Variants in CFHR3 observed in about 807,000 individuals in gnomAD.
The protein encoded by CFHR3 is complement factor H related 3, also known as complement factor H-related protein 3.
CFHR3 carries 22 observed loss-of-function variants against 36.0 expected under a neutral mutation model. The observed-to-expected ratio is 0.61, with a 90% CI of 0.44 to 0.87. CFHR3 has a LOEUF of 0.87. Ranked by LOEUF, CFHR3 falls within the 40% of genes least tolerant of loss-of-function variation. The pLI, the probability that CFHR3 is intolerant of heterozygous loss-of-function variation, is 0.00. For synonymous variants in CFHR3, 97 were observed against 137.4 expected (o/e 0.71, Z 2.06); for missense variants, 276 against 401.3 (o/e 0.69, Z 2.67).
chr1:196,785,196 T>G (rs1381274578), intron 3 of CFHR3, among the ~76,000 whole-genome samples: 1 of 137,164 alleles, frequency 7.3e-6, no homozygotes, highest in African/African-American at 3.1e-5. Context: ...TGGGCTTCCC[T>G]TTGTGGGTAA....
chr1:196,779,732 T>A, intron 2 of CFHR3, 65 bp from the exon 3 acceptor site: 1 of 1,426,630 alleles, frequency 7.0e-7, no homozygotes, highest in Non-Finnish European at 9.4e-7. Flanking sequence ...ATAATTTTAA[T>A]ATACTTTTTG....
rs768736986 is a variant in CFHR3 at position 196,788,325 on chromosome 1, A to T, written c.540A>T (p.Ala180=). 5.2e-6 allele frequency: 8 copies of T among 1,528,418 alleles called. No homozygotes were observed. The Admixed American group carries it at 1.0e-4, about 20-fold the overall frequency. 94.7% of individuals were successfully genotyped at this position (1,528,418 alleles called of 1,614,324 possible). A position where few individuals can be genotyped will look rare whatever the true frequency, so the allele number is the denominator to read the frequency against. The change falls in exon 4 of 6, where the codon GCA becomes GCT. Residue 180 remains alanine, a synonymous_variant. Transcript: ENST00000367425. ...AATATAAATGTAAACCAGGATATGC[A>T]ACAGCAGATGGAAATTCTTCAGGAT... is the stretch of plus-strand genomic sequence containing the variant. ...EIQYKCKPGY[A]TADGNSSGSI... is the part of the protein sequence containing the mutation.
chr1:196,776,770 A>T (rs1297623438), intron 1 of CFHR3, among the ~76,000 whole-genome samples: 1 of 135,838 alleles, frequency 7.4e-6, no homozygotes, highest in Non-Finnish European at 1.6e-5. Flanking sequence ...GAATACTATG[A>T]TATTTACACA....
intron 4 of CFHR3, chr1:196,788,768 C>T (rs1448166055): frequency 1.4e-6 from 2 of 1,454,600 alleles, no homozygotes; most frequent in Non-Finnish European, 1.8e-6. Flanking sequence ...ATTCCGTGCT[C>T]ACGCTCAGAA....
rs1653705923 is a variant in CFHR3 at position 196,776,055 on chromosome 1, A to G, written c.58+1111A>G. On this transcript the variant is annotated intron_variant, in intron 1 of 5. Transcript: ENST00000367425. ...CACCAGTTATTTCCTTTTTTAACTG[A>G]ACTGTTACAGGTACATTTCTTCAAA... Among the ~76,000 whole-genome samples, 2 of 121,996 alleles carry G rather than the reference A, an allele frequency of 1.6e-5. 1 individual carries two copies. The highest frequency in any genetic ancestry group is 6.5e-5 in the African/African-American group (2 of 30,802). The allele number at this position is 121,996 out of a possible 152,430, so 80.0% of individuals were successfully genotyped here.
rs1439230757 is a variant in CFHR3 at position 196,790,522 on chromosome 1, C to T, written c.796+295C>T. ...CAGGCAGACCATGAGGTCAGGAGTT[C>T]GAGATCAGCCTGACCAACATGGTGA... On this transcript the variant is annotated intron_variant, in intron 5 of 5. Coordinates refer to ENST00000367425, the MANE Select transcript of CFHR3 (RefSeq NM_021023.6). 2.1e-4 allele frequency among the ~76,000 whole-genome samples: 29 copies of T among 135,136 alleles called. 6 individuals carry two copies. Among genetic ancestry groups the T allele is most frequent in the Admixed American group, 1.0e-3 (14 of 14,016 alleles). The allele number at this position is 135,136 out of a possible 152,430, so 88.7% of individuals were successfully genotyped here. A position where few individuals can be genotyped will look rare whatever the true frequency, so the allele number is the denominator to read the frequency against.
intron 5 of CFHR3, among the ~76,000 whole-genome samples, chr1:196,791,108 T>G (rs1333179499): frequency 7.3e-6 from 1 of 136,930 alleles, no homozygotes; most frequent in Non-Finnish European, 1.5e-5. Flanking sequence ...TACTTATATT[T>G]TATCAGTATT....
chr1:196,792,950 C>T (rs387938), intron 5 of CFHR3, among the ~76,000 whole-genome samples: 36,752 of 133,840 alleles, frequency 0.27, 10,286 homozygotes, highest in East Asian at 0.5. Context: ...CACGGCTTGT[C>T]GAATGGGGGA....
rs964252536 is a variant in CFHR3 at position 196,783,727 on chromosome 1, G to A, written c.430+3754G>A. 8.2e-5 allele frequency among the ~76,000 whole-genome samples: 11 copies of A among 134,942 alleles called. 3 individuals are homozygous for A. The highest frequency in any genetic ancestry group is 3.4e-4 in the African/African-American group (11 of 31,920). 88.5% of individuals were successfully genotyped at this position (134,942 alleles called of 152,430 possible). On this transcript the variant is annotated intron_variant, in intron 3 of 5. Transcript: ENST00000367425. ...TTATTACTCTTGCTAGCAGTCTATCGATTTTGTTGATCCTTTCAAAAAACC... is the reference window on the plus strand; with the variant it reads ...TTATTACTCTTGCTAGCAGTCTATCAATTTTGTTGATCCTTTCAAAAAACC...
chr1:196,783,200 T>C (rs1245056679), intron 3 of CFHR3, among the ~76,000 whole-genome samples: 1 of 136,742 alleles, frequency 7.3e-6, no homozygotes, highest in East Asian at 2.0e-4. Context: ...TTGGATTCGG[T>C]TTGCCAGTAT....
intron 3 of CFHR3, among the ~76,000 whole-genome samples, chr1:196,780,961 C>T (rs1461007582): frequency 1.2e-5 from 1 of 85,712 alleles, no homozygotes; most frequent in Non-Finnish European, 2.1e-5. Context: ...CTCCCCCCAC[C>T]CCACAACAGT....
At chr1:196,782,528 A>G (rs1181160519) in intron 3 of CFHR3, among the ~76,000 whole-genome samples, 2 of 136,262 alleles carry the variant, frequency 1.5e-5, no homozygotes, top group Non-Finnish European at 3.1e-5. Flanking sequence ...CGTCCCTTGT[A>G]AGTTGGATTC....
Position 196,794,298 on chromosome 1 carries a change from A to G in CFHR3, c.*785A>G, listed in dbSNP as rs192766520. On this transcript the variant is annotated 3_prime_UTR_variant, in exon 6 of 6. Coordinates refer to ENST00000367425, the MANE Select transcript of CFHR3 (RefSeq NM_021023.6). ...TTCAACACGGTGAAACCCTGTCTCTACTAAAAATAGAAAAACTAGCTCGGC... is the reference window on the plus strand; with the variant it reads ...TTCAACACGGTGAAACCCTGTCTCTGCTAAAAATAGAAAAACTAGCTCGGC... 5.0e-3 allele frequency among the ~76,000 whole-genome samples: 684 copies of G among 136,276 alleles called. 171 individuals carry two copies. The highest frequency in any genetic ancestry group is 0.02 in the African/African-American group (665 of 32,464). 89.4% of individuals were successfully genotyped at this position (136,276 alleles called of 152,430 possible). A position where few individuals can be genotyped will look rare whatever the true frequency, so the allele number is the denominator to read the frequency against.
intron 3 of CFHR3, among the ~76,000 whole-genome samples, chr1:196,780,176 T>C (rs1181049133): frequency 5.1e-5 from 7 of 137,778 alleles, no homozygotes; most frequent in Non-Finnish European, 1.1e-4. Flanking sequence ...CTCCTATTAA[T>C]GGGCATTAGT....
At position 196,779,404 on chromosome 1, in the gene CFHR3, T is replaced by A; in HGVS notation, c.253+48T>A. On this transcript the variant is annotated intron_variant, in intron 2 of 5. Transcript: ENST00000367425. Reference sequence around the variant, plus strand: ...ACACATGTATAAAACTTTAAAAGATTAAAGAGAGGAGAGCACATAATTGAT... The same window carrying A: ...ACACATGTATAAAACTTTAAAAGATAAAAGAGAGGAGAGCACATAATTGAT... The A allele has an allele frequency of 3.9e-6, 5 of 1,286,126 alleles. 2 individuals are homozygous for A. Among genetic ancestry groups the A allele is most frequent in the Non-Finnish European group, 5.5e-6 (5 of 911,536 alleles). The allele number at this position is 1,286,126 out of a possible 1,614,324, so 79.7% of individuals were successfully genotyped here. A position where few individuals can be genotyped will look rare whatever the true frequency, so the allele number is the denominator to read the frequency against.
rs1187881505 is a variant in CFHR3, at chr1:196,789,094, T to A, written c.613+696T>A. ...AATCTTTCAGTGGCAAAAGTTGATTTTTTTTCTTTCCTCTTTATATATTCA... is the reference window on the plus strand; with the variant it reads ...AATCTTTCAGTGGCAAAAGTTGATTATTTTTCTTTCCTCTTTATATATTCA... On this transcript the variant is annotated intron_variant, in intron 4 of 5. Transcript: ENST00000367425. 9 of 1,087,420 alleles carry A rather than the reference T, an allele frequency of 8.3e-6. 2 individuals are homozygous for A. Among genetic ancestry groups the A allele is most frequent in the African/African-American group, 4.2e-5 (2 of 47,362 alleles). 67.4% of individuals were successfully genotyped at this position (1,087,420 alleles called of 1,614,324 possible).
chr1:196,792,726 G>GA (rs1654462417), intron 5 of CFHR3, among the ~76,000 whole-genome samples: 1 of 135,550 alleles, frequency 7.4e-6, no homozygotes, highest in Non-Finnish European at 1.6e-5. Context: ...AGATGACAGG[G>GA]ATAGATGATG....
At chr1:196,785,633 G>T (rs1311749132) in intron 3 of CFHR3, among the ~76,000 whole-genome samples, 5 of 136,652 alleles carry the variant, frequency 3.7e-5, no homozygotes, top group African/African-American at 1.5e-4. Flanking sequence ...CGTAGTTCTC[G>T]AGCCTTGGCT....
In CFHR3 at chr1:196,790,077, A is replaced by G; in HGVS notation, c.646A>G (p.Ile216Val). 7.4e-7 allele frequency: 1 copy of G among 1,358,054 alleles called. No individual in the cohort carries two copies. Among genetic ancestry groups the G allele is most frequent in the Non-Finnish European group, 9.8e-7 (1 of 1,020,534 alleles). The allele number at this position is 1,358,054 out of a possible 1,614,324, so 84.1% of individuals were successfully genotyped here. ...SSEKCGPPPP[I>V]SNGDTTSFLL... ...AGAAAAGTGTGGGCCTCCTCCACCT[A>G]TTAGCAATGGTGATACCACCTCCTT... The change falls in exon 5 of 6, where the codon ATT (isoleucine) becomes GTT (valine). Residue 216 changes from isoleucine to valine, a missense_variant. This residue lies in a region of CFHR3 where 22 missense variants were observed against 74.3 expected (regional missense o/e 0.30). Coordinates refer to ENST00000367425, the MANE Select transcript of CFHR3 (RefSeq NM_021023.6).
Sources: allele counts gnomAD v4.1 joint callset (sites outside exome capture counted in the v4.1 genomes callset), GRCh38; gene constraint gnomAD v4.1.1; regional missense constraint gnomAD v4.1.1; transcripts MANE v1.5; gene names NCBI Gene and HGNC (gene_info 2026-07-23, HGNC 2026-07-21).